Variants in GRID1 observed in about 807,000 individuals in gnomAD.
The protein encoded by GRID1 is glutamate receptor ionotropic, delta-1.
In GRID1, 28 loss-of-function variants were observed where a neutral mutation model predicts 98.0. The observed-to-expected ratio is 0.29, with a 90% CI of 0.21 to 0.39. GRID1 has a LOEUF of 0.39. Among genes scored for constraint, GRID1 ranks in the 10% least tolerant of loss-of-function variants. The pLI is 1.00. For missense variants in GRID1, 1,111 were observed against 1,340.5 expected, an observed-to-expected ratio of 0.83 and a Z score of 2.67; for synonymous variants, 553 against 538.5, an observed-to-expected ratio of 1.03 and a Z score of -0.37.
intron 2 of GRID1, among the ~76,000 whole-genome samples, chr10:86,297,126 T>C (rs536773219): frequency 6.5e-4 from 99 of 151,942 alleles, no homozygotes; most frequent in Non-Finnish European, 1.3e-3. Flanking sequence ...CAAAAGGATT[T>C]CTCCAAGGAA....
chr10:85,844,690 T>C (rs1842990240), intron 8 of GRID1, among the ~76,000 whole-genome samples: 1 of 151,928 alleles, frequency 6.6e-6, no homozygotes, highest in African/African-American at 2.4e-5. Flanking sequence ...GGAAGAGAAA[T>C]TAGATGGTAT....
chr10:86,124,461 G>T, intron 4 of GRID1, among the ~76,000 whole-genome samples: 1 of 152,114 alleles, frequency 6.6e-6, no homozygotes, highest in East Asian at 1.9e-4. Flanking sequence ...TGTTTTGGGG[G>T]CTCCATCACA....
chr10:86,121,979 G>T (rs1214978743), intron 4 of GRID1, among the ~76,000 whole-genome samples: 3 of 152,092 alleles, frequency 2.0e-5, no homozygotes, highest in East Asian at 3.9e-4. Flanking sequence ...GATACCCCCG[G>T]GCCCCAAATA....
intron 4 of GRID1, among the ~76,000 whole-genome samples, chr10:86,075,019 G>A (rs959054908): frequency 2.6e-5 from 4 of 151,786 alleles, no homozygotes; most frequent in Non-Finnish European, 4.4e-5. Flanking sequence ...ATGACCAAAT[G>A]CACAAAAGGA....
In GRID1 at chr10:85,724,357, T is replaced by C. The variant is rs765151507; in HGVS notation, c.1853A>G (p.Gln618Arg). 1.9e-6 allele frequency: 3 copies of C among 1,611,668 alleles called. No homozygotes were observed. The Admixed American group carries it at 5.0e-5, about 27-fold the overall frequency. The change falls in exon 11 of 16, where the codon CAG (glutamine) becomes CGG (arginine). Residue 618 changes from glutamine (Q) to arginine (R), a missense_variant. This residue lies in a region of GRID1 where 762 missense variants were observed against 869.1 expected (regional missense o/e 0.88). Transcript: ENST00000327946. Reference sequence around the variant, plus strand: ...TCAGGAAACCAGAAAGGTACCTTGCTGTACGAAGGCTCCATAGACAATCCA... The same window carrying C: ...TCAGGAAACCAGAAAGGTACCTTGCCGTACGAAGGCTCCATAGACAATCCA... Reference protein sequence around the residue: ...AIWIVYGAFVQQGGESSVNSM... With the variant: ...AIWIVYGAFVRQGGESSVNSM...
intron 12 of GRID1, among the ~76,000 whole-genome samples, chr10:85,698,100 G>A (rs1841413580): frequency 6.6e-6 from 1 of 152,072 alleles, no homozygotes; most frequent in African/African-American, 2.4e-5. Flanking sequence ...AGGGTAATCT[G>A]GAGAGTGCAG....
At chr10:85,626,018 C>T (rs1744258427) in intron 13 of GRID1, among the ~76,000 whole-genome samples, 1 of 152,134 alleles carries the variant, frequency 6.6e-6, no homozygotes, top group Non-Finnish European at 1.5e-5. Context: ...CCACACTGCT[C>T]CCCCCAAATG....
At chr10:85,831,613 G>T (rs1299556787) in intron 8 of GRID1, among the ~76,000 whole-genome samples, 2 of 151,960 alleles carry the variant, frequency 1.3e-5, no homozygotes, top group Admixed American at 1.3e-4. Flanking sequence ...CAAATTTGCT[G>T]ATCACAGTGA....
intron 8 of GRID1, among the ~76,000 whole-genome samples, chr10:85,798,086 C>A (rs1180275051): frequency 6.6e-6 from 1 of 152,124 alleles, no homozygotes; most frequent in African/African-American, 2.4e-5. Context: ...GAGTACGTGT[C>A]TTTTGAGTAC....
intron 4 of GRID1, among the ~76,000 whole-genome samples, chr10:86,064,102 T>C (rs1843686878): frequency 6.6e-6 from 1 of 152,276 alleles, no homozygotes; most frequent in Non-Finnish European, 1.5e-5. Flanking sequence ...TATATATTTA[T>C]GTTTTCTCTG....
chr10:85,901,241 T>TTATTTATTTATTTATG (rs1554838768), intron 5 of GRID1, among the ~76,000 whole-genome samples: 11 of 150,796 alleles, frequency 7.3e-5, no homozygotes, highest in Admixed American at 6.6e-4. Context: ...ATTTATTTAT[T>TTATTTATTTATTTATG]TATTTATTTA....
chr10:85,894,028 G>A (rs1416148193), intron 5 of GRID1, among the ~76,000 whole-genome samples: 1 of 152,100 alleles, frequency 6.6e-6, no homozygotes, highest in African/African-American at 2.4e-5. Flanking sequence ...ACAGGACAAG[G>A]TACAGAACTT....
At chr10:86,086,764 AGT>A (rs1259443267) in intron 4 of GRID1, among the ~76,000 whole-genome samples, 2 of 152,116 alleles carry the variant, frequency 1.3e-5, no homozygotes, top group African/African-American at 4.8e-5. Flanking sequence ...GTGTGTGGAC[AGT>A]GTGTGTTGGT....
At chr10:85,770,549 C>A (rs1842253115) in intron 8 of GRID1, among the ~76,000 whole-genome samples, 1 of 152,012 alleles carries the variant, frequency 6.6e-6, no homozygotes, top group Non-Finnish European at 1.5e-5. Flanking sequence ...GAAATTCAAA[C>A]CAAAGGCAAA....
At chr10:86,305,733 C>T (rs1847751012) in intron 2 of GRID1, among the ~76,000 whole-genome samples, 1 of 152,164 alleles carries the variant, frequency 6.6e-6, no homozygotes, top group Admixed American at 6.5e-5. Flanking sequence ...AGATGGCTCC[C>T]CTGGGATTTC....
intron 4 of GRID1, among the ~76,000 whole-genome samples, chr10:86,083,049 C>A (rs1281228259): frequency 6.6e-6 from 1 of 152,178 alleles, no homozygotes; most frequent in Non-Finnish European, 1.5e-5. Flanking sequence ...ACACCCAGCA[C>A]AAAGCCAGAC....
At chr10:86,199,110 C>T (rs191677587) in intron 3 of GRID1, among the ~76,000 whole-genome samples, 3 of 152,090 alleles carry the variant, frequency 2.0e-5, no homozygotes, top group East Asian at 3.9e-4. Flanking sequence ...GTGAAAAATT[C>T]ATCTCCCATC....
chr10:85,729,647 G>A, intron 8 of GRID1, 33 bp from the exon 9 acceptor site: 1 of 1,391,930 alleles, frequency 7.2e-7, no homozygotes. Context: ...GTGAGGGATG[G>A]AACTGGCACC....
At chr10:86,281,918 G>A (rs1235588207) in intron 2 of GRID1, among the ~76,000 whole-genome samples, 2 of 152,150 alleles carry the variant, frequency 1.3e-5, no homozygotes, top group African/African-American at 4.8e-5. Flanking sequence ...CTCAGGGAGG[G>A]GGCCTCCTGC....
Sources: allele counts gnomAD v4.1 joint callset (sites outside exome capture counted in the v4.1 genomes callset), GRCh38; gene constraint gnomAD v4.1.1; regional missense constraint gnomAD v4.1.1; transcripts MANE v1.5; gene names NCBI Gene and HGNC (gene_info 2026-07-23, HGNC 2026-07-21).